The following INSR variants were observed in gnomAD, a reference collection of about 807,000 sequenced individuals.
INSR encodes the protein IR.
INSR carries 67 observed loss-of-function variants against 142.6 expected under a neutral mutation model. The ratio of observed to expected loss-of-function variants is 0.47; its 90% CI spans 0.39 to 0.58. The LOEUF (loss-of-function observed/expected upper bound fraction) is 0.58, where lower values mean the gene tolerates loss of function less well. Among genes scored for constraint, INSR ranks in the 20% least tolerant of loss-of-function variants. The pLI is 0.00. For synonymous variants in INSR, 756 were observed against 743.1 expected, an observed-to-expected ratio of 1.02 and a Z score of -0.28; for missense variants, 1,248 against 1,833.2, an observed-to-expected ratio of 0.68 and a Z score of 5.83.
chr19:7,248,735 C>T (rs893791645), intron 2 of INSR, among the ~76,000 whole-genome samples: 7 of 147,816 alleles, frequency 4.7e-5, no homozygotes, highest in Non-Finnish European at 1.0e-4. Context: ...TTATCCTGGA[C>T]TATTCCCGGT....
chr19:7,250,862 G>C (rs1395112274), intron 2 of INSR, among the ~76,000 whole-genome samples: 1 of 151,946 alleles, frequency 6.6e-6, no homozygotes, highest in Non-Finnish European at 1.5e-5. Flanking sequence ...TCTGAGTCTG[G>C]AGCTCAGAGG....
chr19:7,270,339 T>TCTCTCACACACA (rs1414011806), intron 1 of INSR, among the ~76,000 whole-genome samples: 20 of 120,310 alleles, frequency 1.7e-4, no homozygotes, highest in Non-Finnish European at 3.2e-4. Flanking sequence ...TCTCTCTCTC[T>TCTCTCACACACA]CACACACACA....
At chr19:7,163,006 A>G (rs751974835) in intron 9 of INSR, 26 bp downstream of exon 9, 15 of 1,612,044 alleles carry the variant, frequency 9.3e-6, no homozygotes, top group Non-Finnish European at 1.3e-5. Context: ...AACCCCACCG[A>G]TCCTAGCACA....
At chr19:7,261,078 G>A (rs935555136) in intron 2 of INSR, among the ~76,000 whole-genome samples, 3 of 151,868 alleles carry the variant, frequency 2.0e-5, no homozygotes, top group Non-Finnish European at 2.9e-5. Context: ...TGTCGAGACG[G>A]GGTTTCTCCA....
intron 19 of INSR, among the ~76,000 whole-genome samples, chr19:7,121,769 A>G (rs1053153827): frequency 4.6e-5 from 7 of 152,206 alleles, no homozygotes; most frequent in African/African-American, 1.7e-4. Flanking sequence ...TCCTACAAAC[A>G]TATCTTTTAA....
chr19:7,164,609 G>A (rs1973844735), intron 8 of INSR, among the ~76,000 whole-genome samples: 1 of 148,090 alleles, frequency 6.8e-6, no homozygotes, highest in Middle Eastern at 3.5e-3. Flanking sequence ...CCTGAGGCTC[G>A]GAGTTCGAGA....
At chr19:7,213,430 C>T (rs908673892) in intron 2 of INSR, among the ~76,000 whole-genome samples, 1 of 151,908 alleles carries the variant, frequency 6.6e-6, no homozygotes, top group Non-Finnish European at 1.5e-5. Context: ...TATTATGCAG[C>T]ATTCACTTCC....
chr19:7,193,544 G>T (rs960123699), intron 2 of INSR, among the ~76,000 whole-genome samples: 2 of 151,742 alleles, frequency 1.3e-5, no homozygotes, highest in East Asian at 2.0e-4. Context: ...AGGGGCAGGA[G>T]GGGGGAGGAC....
At chr19:7,276,880 G>A (rs976987979) in intron 1 of INSR, among the ~76,000 whole-genome samples, 8 of 152,130 alleles carry the variant, frequency 5.3e-5, no homozygotes, top group Non-Finnish European at 8.8e-5. Flanking sequence ...ACAGGCGCCC[G>A]CCACCACGCA....
At chr19:7,250,461 GA>G (rs1346822192) in intron 2 of INSR, among the ~76,000 whole-genome samples, 9 of 81,466 alleles carry the variant, frequency 1.1e-4, no homozygotes, top group African/African-American at 3.1e-4. Context: ...AGAAAAGGAA[GA>G]AAAGAAAGAA....
intron 1 of INSR, among the ~76,000 whole-genome samples, chr19:7,286,433 G>A (rs1968346072): frequency 6.6e-6 from 1 of 151,804 alleles, no homozygotes; most frequent in Non-Finnish European, 1.5e-5. Context: ...TATCACCCAG[G>A]TTGGAGTGCA....
At chr19:7,282,022 C>T (rs1968214660) in intron 1 of INSR, among the ~76,000 whole-genome samples, 2 of 152,172 alleles carry the variant, frequency 1.3e-5, no homozygotes, top group South Asian at 2.1e-4. Flanking sequence ...GTACGTGGCA[C>T]CGCAGGATAG....
Position 7,150,448 on chromosome 19 carries a change from G to A in INSR, c.2267+49C>T, listed in dbSNP as rs749639377. Reference sequence around the variant, plus strand: ...CTCCGAGGCATCTGCCTGGCACGCCGCCGGCCCTGCGCGGAGCAGGCACCA... The same window carrying A: ...CTCCGAGGCATCTGCCTGGCACGCCACCGGCCCTGCGCGGAGCAGGCACCA... On this transcript the variant is annotated intron_variant, in intron 11 of 21. Coordinates refer to ENST00000302850, the MANE Select transcript of INSR (RefSeq NM_000208.4). The surrounding 1 kb of genome is among the most constrained non-coding windows in gnomAD (Gnocchi z 4.2). The A allele has an allele frequency of 4.4e-6, 7 of 1,590,944 alleles. No individual in the cohort carries two copies. In the East Asian group the frequency reaches 6.7e-5, roughly 15 times the overall value.
chr19:7,258,812 G>C (rs1334796687), intron 2 of INSR, among the ~76,000 whole-genome samples: 2 of 149,066 alleles, frequency 1.3e-5, no homozygotes, highest in East Asian at 3.8e-4. Flanking sequence ...TCTGATAGGA[G>C]AGGCCCTAAG....
At position 7,119,788 on chromosome 19, in the gene INSR, A is replaced by G. The variant is rs1326091555; in HGVS notation, c.3660-205T>C. ...CACAAACACGCATGCGCACACATGC[A>G]CACACAAATATGCAAACACACAAAC... On this transcript the variant is annotated intron_variant, in intron 20 of 21. Coordinates refer to ENST00000302850, the MANE Select transcript of INSR (RefSeq NM_000208.4). This position sits in a 1 kb window ranked among gnomAD's most constrained non-coding sequence, Gnocchi z 5.2. Among the ~76,000 whole-genome samples, 3 of 151,382 alleles carry G rather than the reference A, an allele frequency of 2.0e-5. No individual in the cohort carries two copies. The highest frequency in any genetic ancestry group is 7.3e-5 in the African/African-American group (3 of 41,096).
At chr19:7,215,212 T>C (rs1387452922) in intron 2 of INSR, among the ~76,000 whole-genome samples, 1 of 152,188 alleles carries the variant, frequency 6.6e-6, no homozygotes, top group East Asian at 1.9e-4. Flanking sequence ...AGTCTGTGCT[T>C]GTTCATGGAA....
In INSR at chr19:7,114,766, T is replaced by C. The variant is rs1215185252; in HGVS notation, c.*2290A>G. On this transcript the variant is annotated 3_prime_UTR_variant, in exon 22 of 22. Transcript: ENST00000302850. ...TTTTTTATGAGAGTGATTTTCAGAG[T>C]GATTTTATATATTAAAATAAATACT... is the stretch of plus-strand genomic sequence containing the variant. 2.0e-5 allele frequency: 3 copies of C among 152,582 alleles called. No homozygotes were observed. The highest frequency in any genetic ancestry group is 2.0e-4 in the Admixed American group (3 of 15,274). 9.5% of individuals were successfully genotyped at this position (152,582 alleles called of 1,614,324 possible).
intron 9 of INSR, among the ~76,000 whole-genome samples, chr19:7,153,358 C>CACCACACCCCCCA (rs1973485522): frequency 1.1e-5 from 1 of 94,292 alleles, no homozygotes; most frequent in South Asian, 3.0e-4. Context: ...AGACCACACA[C>CACCACACCCCCCA]CACACACCCC....
At position 7,220,197 on chromosome 19, in the gene INSR, C is replaced by T. The variant is rs74970142; in HGVS notation, c.653-35560G>A. ...AAATCTGGTTCTATCTCCAGGAATG[C>T]TGAGTAGGCAAATCTGAATGCCTCC... On this transcript the variant is annotated intron_variant, in intron 2 of 21. Coordinates refer to ENST00000302850, the MANE Select transcript of INSR (RefSeq NM_000208.4). 4.9e-4 allele frequency among the ~76,000 whole-genome samples: 74 copies of T among 152,342 alleles called. No individual in the cohort carries two copies. In the East Asian group the frequency reaches 0.014, roughly 29 times the overall value.
Sources: gnomAD v4.1 joint callset for allele counts (sites outside exome capture counted in the v4.1 genomes callset) on GRCh38, gnomAD v4.1.1 for gene constraint, Gnocchi (gnomAD v3.1) non-coding constraint, MANE v1.5 for transcripts, NCBI Gene and HGNC (gene_info 2026-07-23, HGNC 2026-07-21) for gene names.